The following HOOK2 variants were observed in gnomAD, a reference collection of about 807,000 sequenced individuals.
HOOK2 encodes protein Hook homolog 2.
In HOOK2, 108 loss-of-function variants were observed where a neutral mutation model predicts 111.9. That is an observed-to-expected ratio of 0.96 (90% CI 0.83 to 1.13). The LOEUF (loss-of-function observed/expected upper bound fraction) is 1.13, where lower values mean the gene tolerates loss of function less well. HOOK2 is among the 50% of genes most tolerant of loss of function. HOOK2 has a pLI of 0.00. For synonymous variants in HOOK2, 405 were observed against 394.3 expected (o/e 1.03, Z -0.32); for missense variants, 978 against 951.3 (o/e 1.03, Z -0.37).
At chr19:12,771,657 T>C (rs552354645) in intron 7 of HOOK2, among the ~76,000 whole-genome samples, 180 bp from the exon 8 acceptor site, 211 of 150,798 alleles carry the variant, frequency 1.4e-3, no homozygotes, top group Admixed American at 4.1e-3. Context: ...CTGAGGCGGG[T>C]GGGTTACCTG....
chr19:12,782,655 G>A (rs148963175), upstream of HOOK2, among the ~76,000 whole-genome samples: 4,595 of 152,224 alleles, frequency 0.03, 219 homozygotes, highest in African/African-American at 0.1. Context: ...CTGCGTGCGC[G>A]CGTGCGTGGG....
rs956761163 is a variant in HOOK2 at position 12,765,197 on chromosome 19, C to T, written c.1641-116G>A. Reference sequence around the variant, plus strand: ...AAATGCCCCTACATGGCCACAGAGCCCTCTCTGCCTGCCCCTCATGCCTGG... The same window carrying T: ...AAATGCCCCTACATGGCCACAGAGCTCTCTCTGCCTGCCCCTCATGCCTGG... On this transcript the variant is annotated intron_variant, in intron 18 of 22. Transcript: ENST00000397668. 271 of 961,974 alleles carry T rather than the reference C, an allele frequency of 2.8e-4. No individual in the cohort carries two copies. In the Middle Eastern group the frequency reaches 3.0e-3, roughly 11 times the overall value. The allele number at this position is 961,974 out of a possible 1,614,324, so 59.6% of individuals were successfully genotyped here. A position where few individuals can be genotyped will look rare whatever the true frequency, so the allele number is the denominator to read the frequency against.
chr19:12,782,278 G>A (rs1209697875), upstream of HOOK2, among the ~76,000 whole-genome samples: 1 of 152,230 alleles, frequency 6.6e-6, no homozygotes, highest in Non-Finnish European at 1.5e-5. Context: ...GATTGTCTGC[G>A]TCTCCATCCA....
chr19:12,787,665 A>C (rs1319446874), intron 3 of HOOK2, among the ~76,000 whole-genome samples: 1 of 150,800 alleles, frequency 6.6e-6, no homozygotes, highest in South Asian at 2.1e-4. Context: ...ATAAAAAAAA[A>C]CTCCTGGGCT....
At chr19:12,784,261 A>G (rs1329471966) in intron 3 of HOOK2, among the ~76,000 whole-genome samples, 1 of 152,138 alleles carries the variant, frequency 6.6e-6, no homozygotes, top group Non-Finnish European at 1.5e-5. Context: ...AGTCACCCCG[A>G]GAGAGCCAGT....
At position 12,772,250 on chromosome 19, in the gene HOOK2, G is replaced by A. The variant is rs768130494; in HGVS notation, c.459C>T (p.Leu153=). The A allele has an allele frequency of 1.2e-6, 2 of 1,614,002 alleles. No homozygotes were observed. The highest frequency in any genetic ancestry group is 2.2e-5 in the South Asian group (2 of 91,086). The change falls in exon 7 of 23, where the codon CTC becomes CTT. Residue 153 remains leucine, a splice_region_variant and synonymous_variant. Transcript: ENST00000397668. ...GGGAGTCAGGAGTGTCTTTGGTCAT[G>A]AGCTGAGGAGTGGGAAGGGGCATTG... ...QHVVMEAIQE[L]MTKDTPDSLS...
At chr19:12,779,220 G>A (rs1481477659), upstream of HOOK2, among the ~76,000 whole-genome samples, 1 of 152,162 alleles carries the variant, frequency 6.6e-6, no homozygotes, top group Non-Finnish European at 1.5e-5. Context: ...GGAAGCGGCT[G>A]ACTCAACCCC....
At chr19:12,775,669 C>T (rs1968484865), upstream of HOOK2, 2 of 419,124 alleles carry the variant, frequency 4.8e-6, no homozygotes, top group Non-Finnish European at 7.9e-6. Flanking sequence ...GCCCCGCCAT[C>T]TTGGATCCGG....
chr19:12,769,983 C>T lies in HOOK2; in HGVS notation c.1002G>A (p.Leu334=). Residue 334 remains leucine (L), a synonymous_variant, in exon 11 of 23, where the codon CTG becomes CTA. Transcript: ENST00000397668. ...CGGCGTGGCCGGCGTTGCGTTCCTC[C>T]AGCTGCCGCACCTGCCGCCGCAGCT... ...LRELRRQVRQ[L]EERNAGHAER... 1 of 1,549,924 alleles carries T rather than the reference C, an allele frequency of 6.5e-7. No homozygotes were observed. The highest frequency in any genetic ancestry group is 8.7e-7 in the Non-Finnish European group (1 of 1,153,352).
intron 6 of HOOK2, 24 bp from the exon 7 acceptor site, chr19:12,772,276 T>A: frequency 6.2e-7 from 1 of 1,611,830 alleles, no homozygotes; most frequent in South Asian, 1.1e-5. Context: ...AGGGGCATTG[T>A]AATGAACTGG....
At chr19:12,772,070 G>A in intron 7 of HOOK2, 120 bp downstream of exon 7, 1 of 763,908 alleles carries the variant, frequency 1.3e-6, no homozygotes, top group South Asian at 1.5e-5. Flanking sequence ...TCTGTAAGTG[G>A]GGTCTGGACC....
Position 12,774,361 on chromosome 19 carries a change from C to T in HOOK2, c.204+308G>A, listed in dbSNP as rs1244693461. The T allele has an allele frequency of 6.8e-6, 3 of 438,810 alleles. No individual in the cohort carries two copies. The East Asian group carries it at 1.3e-4, about 20-fold the overall frequency. 27.2% of individuals were successfully genotyped at this position (438,810 alleles called of 1,614,324 possible). On this transcript the variant is annotated intron_variant, in intron 3 of 22. Coordinates refer to ENST00000397668, the MANE Select transcript of HOOK2 (RefSeq NM_013312.3). ...CCCCAGGTGATCCACCCACTTTAGC[C>T]TCTCAAAGTGTTGGGATTACAGGCA...
Position 12,767,301 on chromosome 19 carries a change from C to A in HOOK2, c.1373+94G>T, listed in dbSNP as rs540895533. Reference sequence around the variant, plus strand: ...GCACCTGGAGCTGAGACCAAGCAACCGGGGCTAGCAGAAGATGGGAGGGCG... The same window carrying A: ...GCACCTGGAGCTGAGACCAAGCAACAGGGGCTAGCAGAAGATGGGAGGGCG... On this transcript the variant is annotated intron_variant, in intron 14 of 22. Transcript: ENST00000397668. The A allele has an allele frequency of 7.4e-5, 79 of 1,066,638 alleles. 1 individual carries two copies. Among genetic ancestry groups the A allele is most frequent in the South Asian group, 3.7e-4 (28 of 75,782 alleles). The allele number at this position is 1,066,638 out of a possible 1,614,324, so 66.1% of individuals were successfully genotyped here. A position where few individuals can be genotyped will look rare whatever the true frequency, so the allele number is the denominator to read the frequency against.
intron 3 of HOOK2, among the ~76,000 whole-genome samples, chr19:12,783,781 G>A (rs186858691): frequency 6.6e-6 from 1 of 152,290 alleles, no homozygotes; most frequent in Non-Finnish European, 1.5e-5. Context: ...AGCCAGAAGA[G>A]GGCTCCTCCT....
intron 18 of HOOK2, chr19:12,765,324 C>T (rs1204388754): frequency 1.7e-6 from 1 of 597,502 alleles, no homozygotes; most frequent in East Asian, 2.8e-5. Context: ...TCCACTTCTT[C>T]CCATCCCACA....
At chr19:12,766,311 G>A (rs1968144849) in intron 14 of HOOK2, 71 bp from the exon 15 acceptor site, 1 of 1,455,032 alleles carries the variant, frequency 6.9e-7, no homozygotes, top group Middle Eastern at 2.5e-4. Context: ...CTCAGGGAGA[G>A]TGGAGCTAGG....
At chr19:12,765,298 G>A (rs931605283) in intron 18 of HOOK2, 32 of 606,562 alleles carry the variant, frequency 5.3e-5, no homozygotes, top group South Asian at 3.9e-4. Context: ...GGTATGCCCC[G>A]GAACAGCCCC....
intron 1 of HOOK2, 103 bp from the exon 2 acceptor site, chr19:12,775,000 C>T: frequency 1.6e-6 from 2 of 1,226,942 alleles, no homozygotes; most frequent in Non-Finnish European, 2.3e-6. Flanking sequence ...CATGGTGGGG[C>T]GGGCGCTGCT....
intron 14 of HOOK2, among the ~76,000 whole-genome samples, chr19:12,766,946 C>T (rs1181286459): frequency 6.6e-6 from 1 of 152,118 alleles, no homozygotes; most frequent in Non-Finnish European, 1.5e-5. Context: ...CCAAGCTGCT[C>T]TCAAACTCCT....
Sources: gnomAD v4.1 joint callset for allele counts (sites outside exome capture counted in the v4.1 genomes callset) on GRCh38, gnomAD v4.1.1 for gene constraint, MANE v1.5 for transcripts, NCBI Gene and HGNC (gene_info 2026-07-23, HGNC 2026-07-21) for gene names.